The following N4BP2 variants were observed in gnomAD, a reference collection of about 807,000 sequenced individuals.
The protein encoded by N4BP2 is NEDD4-binding protein 2.
A neutral mutation model predicts 152.8 loss-of-function variants in N4BP2; 91 were observed. That is an observed-to-expected ratio of 0.60 (90% CI 0.50 to 0.71). The LOEUF (loss-of-function observed/expected upper bound fraction) is 0.71, where lower values mean the gene tolerates loss of function less well. Among genes scored for constraint, N4BP2 ranks in the 30% least tolerant of loss-of-function variants. The pLI is 0.00. For missense variants in N4BP2, 1,923 were observed against 2,059.1 expected, an observed-to-expected ratio of 0.93 and a Z score of 1.28; for synonymous variants, 646 against 705.3, an observed-to-expected ratio of 0.92 and a Z score of 1.33.
chr4:40,149,988 T>C (rs1720994509), intron 16 of N4BP2, among the ~76,000 whole-genome samples: 1 of 152,146 alleles, frequency 6.6e-6, no homozygotes, highest in African/African-American at 2.4e-5. Context: ...GATGCAGATC[T>C]TTTCTGGAAG....
chr4:40,118,890 G>A (rs1165025638), intron 8 of N4BP2, among the ~76,000 whole-genome samples: 2 of 152,184 alleles, frequency 1.3e-5, no homozygotes, highest in Non-Finnish European at 2.9e-5. Context: ...CTGACAGACA[G>A]AGTAAAGAAG....
chr4:40,099,992 G>T (rs1715482023), intron 3 of N4BP2: 2 of 432,016 alleles, frequency 4.6e-6, no homozygotes, highest in African/African-American at 2.3e-5. Context: ...ATTGGTCTCT[G>T]CCAGGCTTGC....
the N4BP2 span, among the ~76,000 whole-genome samples, chr4:40,186,096 A>T: frequency 1.3e-5 from 2 of 152,184 alleles, no homozygotes; most frequent in Non-Finnish European, 2.9e-5. Flanking sequence ...AAGTTAAGAC[A>T]GGCCTTTTAA....
intron 2 of N4BP2, among the ~76,000 whole-genome samples, chr4:40,089,489 T>C (rs1278973730): frequency 1.4e-5 from 2 of 144,520 alleles, no homozygotes; most frequent in Non-Finnish European, 3.0e-5. Context: ...CAGGCTGGAG[T>C]GCACTAGTGC....
chr4:40,076,197 C>G (rs1435233994), intron 2 of N4BP2, among the ~76,000 whole-genome samples: 1 of 152,030 alleles, frequency 6.6e-6, no homozygotes, highest in African/African-American at 2.4e-5. Flanking sequence ...ATTTTTTGGC[C>G]AGGTGCGGTG....
At chr4:40,073,044 T>C (rs1712369383) in intron 1 of N4BP2, among the ~76,000 whole-genome samples, 1 of 152,166 alleles carries the variant, frequency 6.6e-6, no homozygotes, top group Non-Finnish European at 1.5e-5. Context: ...TACCAACTTT[T>C]CACCTAATGA....
intron 13 of N4BP2, among the ~76,000 whole-genome samples, chr4:40,132,372 A>G (rs983097773): frequency 2.6e-5 from 4 of 152,194 alleles, no homozygotes; most frequent in Middle Eastern, 3.4e-3. Flanking sequence ...CTAATATTAT[A>G]AAAATTTTTC....
intron 1 of N4BP2, among the ~76,000 whole-genome samples, chr4:40,059,165 T>C (rs1026242490): frequency 5.3e-5 from 8 of 152,150 alleles, no homozygotes; most frequent in African/African-American, 1.9e-4. Context: ...ATCTCCCTTT[T>C]CATCATGATT....
Position 40,121,561 on chromosome 4 carries a change from T to C in N4BP2, c.3450T>C (p.Ile1150=). The change falls in exon 9 of 18, where the codon ATT becomes ATC. Residue 1150 remains isoleucine, a synonymous_variant. Transcript: ENST00000261435. ...NFQKSCDGSQ[I]GPFSLGLNLK... Reference sequence around the variant, plus strand: ...AAAAATCGTGTGATGGATCACAAATTGGGCCTTTTTCTCTGGGGTTGAATT... The same window carrying C: ...AAAAATCGTGTGATGGATCACAAATCGGGCCTTTTTCTCTGGGGTTGAATT... 1 of 1,614,134 alleles carries C rather than the reference T, an allele frequency of 6.2e-7. No individual in the cohort carries two copies. The highest frequency in any genetic ancestry group is 8.5e-7 in the Non-Finnish European group (1 of 1,180,004).
intron 2 of N4BP2, among the ~76,000 whole-genome samples, chr4:40,078,996 G>A (rs1051276661): frequency 6.6e-6 from 1 of 151,962 alleles, no homozygotes; most frequent in African/African-American, 2.4e-5. Flanking sequence ...CTGTTGCCCA[G>A]GCTGGAATGC....
At chr4:40,171,907 C>A in the N4BP2 span, among the ~76,000 whole-genome samples, 3 of 152,098 alleles carry the variant, frequency 2.0e-5, no homozygotes, top group Non-Finnish European at 2.9e-5. Flanking sequence ...GAGACTAAGC[C>A]AGTCTAGTCT....
intron 5 of N4BP2, among the ~76,000 whole-genome samples, chr4:40,111,372 G>T (rs186068466): frequency 1.7e-3 from 256 of 152,290 alleles, no homozygotes; most frequent in African/African-American, 5.8e-3. Context: ...CCAGGCTGGA[G>T]TACAATGGCG....
the N4BP2 span, among the ~76,000 whole-genome samples, chr4:40,169,647 A>G: frequency 6.6e-6 from 1 of 151,344 alleles, no homozygotes; most frequent in Non-Finnish European, 1.5e-5. Flanking sequence ...TTGGAAATTC[A>G]GTGCTCATCT....
chr4:40,182,973 G>A, the N4BP2 span, among the ~76,000 whole-genome samples: 1 of 152,102 alleles, frequency 6.6e-6, no homozygotes, highest in South Asian at 2.1e-4. Flanking sequence ...CACCATGCGT[G>A]GCCCCATTTA....
intron 1 of N4BP2, among the ~76,000 whole-genome samples, chr4:40,065,552 A>T (rs1187814651): frequency 6.6e-6 from 1 of 152,146 alleles, no homozygotes; most frequent in Admixed American, 6.6e-5. Flanking sequence ...AAACCAGTAA[A>T]TGCTGCTTGG....
chr4:40,162,588 A>G (rs948871364), downstream of N4BP2, among the ~76,000 whole-genome samples: 2 of 152,212 alleles, frequency 1.3e-5, no homozygotes, highest in African/African-American at 4.8e-5. Context: ...ATTGCATGTC[A>G]ACTGGGATAT....
rs781659200 is a variant in N4BP2, at chr4:40,097,400, G to A, written c.60G>A (p.Lys20=). The change falls in exon 3 of 18, where the codon AAG becomes AAA. Residue 20 remains lysine, a synonymous_variant. Transcript: ENST00000261435. ...CTTTTCGGAAGACTGCAAACCCTAA[G>A]GAAGTTGTCGTATCCAGTGTTGCTA... ...GNPFRKTANP[K]EVVVSSVASR... is the part of the protein sequence containing the mutation. 16 of 1,614,012 alleles carry A rather than the reference G, an allele frequency of 9.9e-6. No homozygotes were observed. In the East Asian group the frequency reaches 1.3e-4, roughly 13 times the overall value.
chr4:40,125,660 C>T (rs901213955), intron 11 of N4BP2, among the ~76,000 whole-genome samples: 6 of 152,038 alleles, frequency 3.9e-5, no homozygotes, highest in Non-Finnish European at 7.4e-5. Flanking sequence ...CCAAGGCGGG[C>T]GGATCACCTG....
the N4BP2 span, among the ~76,000 whole-genome samples, chr4:40,190,246 A>G: frequency 0.75 from 113,550 of 152,184 alleles, 42,628 homozygotes; most frequent in South Asian, 0.82. Context: ...CGAGTGCTCA[A>G]TAAGTATTAT....
Sources: gnomAD v4.1 joint callset for allele counts (sites outside exome capture counted in the v4.1 genomes callset) on GRCh38, gnomAD v4.1.1 for gene constraint, MANE v1.5 for transcripts, NCBI Gene and HGNC (gene_info 2026-07-23, HGNC 2026-07-21) for gene names.